EMSY: variants seen among roughly 807,000 people sequenced by gnomAD.
EMSY encodes the protein EMSY transcriptional repressor, BRCA2 interacting.
In EMSY, 26 loss-of-function variants were observed where a neutral mutation model predicts 134.6. The observed-to-expected ratio is 0.19, with a 90% CI of 0.14 to 0.27. The LOEUF (loss-of-function observed/expected upper bound fraction) is 0.27, where lower values mean the gene tolerates loss of function less well. EMSY is among the 10% of genes least tolerant of loss of function. EMSY has a pLI of 1.00. For synonymous variants in EMSY, 579 were observed against 577.8 expected (o/e 1.00, Z -0.03); for missense variants, 1,305 against 1,611.4 (o/e 0.81, Z 3.26).
chr11:76,459,775 A>T, intron 5 of EMSY, 158 bp from the exon 7 acceptor site: 2 of 654,652 alleles, frequency 3.1e-6, no homozygotes, highest in Middle Eastern at 3.3e-4. Flanking sequence ...AGGAAAGGTT[A>T]TTAATGCCTT....
Position 76,528,478 on chromosome 11 carries a change from T to C in EMSY, c.2194+12T>C. On this transcript the variant is annotated intron_variant, in intron 14 of 20. Transcript: ENST00000334736. Reference sequence around the variant, plus strand: ...CCAGAGTTCCCAAGGTAAGATCTATTTTACTTCTGATTTATATAAGTACTA... The same window carrying C: ...CCAGAGTTCCCAAGGTAAGATCTATCTTACTTCTGATTTATATAAGTACTA... The C allele has an allele frequency of 6.3e-7, 1 of 1,579,322 alleles. No homozygotes were observed. The highest frequency in any genetic ancestry group is 8.7e-7 in the Non-Finnish European group (1 of 1,150,794).
intron 10 of EMSY, among the ~76,000 whole-genome samples, chr11:76,513,950 T>A (rs1001409990): frequency 6.6e-6 from 1 of 152,150 alleles, no homozygotes; most frequent in South Asian, 2.1e-4. Flanking sequence ...TTCACTCTGA[T>A]GAAGTTGAGA....
At chr11:76,483,847 G>A (rs1287853393) in intron 8 of EMSY, among the ~76,000 whole-genome samples, 1 of 152,164 alleles carries the variant, frequency 6.6e-6, no homozygotes, top group East Asian at 1.9e-4. Flanking sequence ...CAACGAGACA[G>A]AAAATTAACA....
chr11:76,465,120 A>T (rs1023363950), intron 7 of EMSY, among the ~76,000 whole-genome samples: 1 of 152,166 alleles, frequency 6.6e-6, no homozygotes. Flanking sequence ...ATGTCCTTCA[A>T]TTCTGATACA....
intron 9 of EMSY, among the ~76,000 whole-genome samples, chr11:76,510,821 C>T (rs553010307): frequency 4.6e-5 from 7 of 152,262 alleles, no homozygotes; most frequent in South Asian, 2.1e-4. Flanking sequence ...GAAGGAATCC[C>T]GAGTTCTTCT....
chr11:76,522,070 A>C (rs1020771730), intron 11 of EMSY, among the ~76,000 whole-genome samples: 2 of 152,150 alleles, frequency 1.3e-5, no homozygotes, highest in Non-Finnish European at 2.9e-5. Flanking sequence ...AAAGAGAAGA[A>C]GACAAGGAAC....
At chr11:76,512,722 TA>T (rs1320238838) in intron 9 of EMSY, among the ~76,000 whole-genome samples, 161 of 136,910 alleles carry the variant, frequency 1.2e-3, no homozygotes, top group Non-Finnish European at 1.4e-3. Context: ...TTAGAAAATG[TA>T]AAAAAAAAAA....
At chr11:76,448,641 G>A (rs17134897) in intron 2 of EMSY, among the ~76,000 whole-genome samples, 12,481 of 151,746 alleles carry the variant, frequency 0.082, 1,118 homozygotes, top group African/African-American at 0.22. Flanking sequence ...CAGTCATCTC[G>A]TATGGTAATA....
In EMSY at chr11:76,521,635, A is replaced by G. The variant is rs564850728; in HGVS notation, c.1685-1520A>G. Among the ~76,000 whole-genome samples, 8 of 152,122 alleles carry G rather than the reference A, an allele frequency of 5.3e-5. No individual in the cohort carries two copies. The East Asian group carries it at 1.5e-3, about 29-fold the overall frequency. On this transcript the variant is annotated intron_variant, in intron 11 of 20. Coordinates refer to ENST00000334736, the Ensembl canonical transcript of EMSY. ...AGAAATTAGCCAGGCATGGTGGCAC[A>G]TACCTGTAGTCCTAGGTACCTAAGA...
At chr11:76,510,164 G>T (rs1253663619) in intron 9 of EMSY, among the ~76,000 whole-genome samples, 1 of 152,154 alleles carries the variant, frequency 6.6e-6, no homozygotes, top group East Asian at 1.9e-4. Flanking sequence ...GATCACCCTG[G>T]ACTATAAAGC....
At chr11:76,539,383 A>G (rs1409259694) in intron 16 of EMSY, among the ~76,000 whole-genome samples, 1 of 152,214 alleles carries the variant, frequency 6.6e-6, no homozygotes, top group East Asian at 1.9e-4. Flanking sequence ...AGGAGATAAT[A>G]TTATTAAGAC....
intron 8 of EMSY, among the ~76,000 whole-genome samples, chr11:76,477,769 T>G (rs535564374): frequency 6.6e-6 from 1 of 152,216 alleles, no homozygotes; most frequent in African/African-American, 2.4e-5. Context: ...GTAATTAGCT[T>G]TTATTGTTAT....
At chr11:76,532,527 T>G (rs1488431496) in intron 14 of EMSY, among the ~76,000 whole-genome samples, 1 of 152,120 alleles carries the variant, frequency 6.6e-6, no homozygotes, top group Non-Finnish European at 1.5e-5. Flanking sequence ...GTTCCTGTGC[T>G]TTTCTTCCTA....
chr11:76,498,445 G>A (rs1044252266), intron 9 of EMSY, among the ~76,000 whole-genome samples: 9 of 152,046 alleles, frequency 5.9e-5, no homozygotes. Flanking sequence ...ACTAATTGTT[G>A]GATTCTAGTA....
intron 6 of EMSY, 111 bp downstream of exon 7, chr11:76,460,196 G>A (rs1948052101): frequency 8.5e-6 from 11 of 1,289,544 alleles, no homozygotes; most frequent in Non-Finnish European, 1.1e-5. Flanking sequence ...GCTGTTAGTA[G>A]GTTAGTTTTT....
intron 14 of EMSY, among the ~76,000 whole-genome samples, chr11:76,535,233 C>A (rs974504201): frequency 1.3e-5 from 2 of 151,944 alleles, no homozygotes; most frequent in Non-Finnish European, 2.9e-5. Flanking sequence ...AAACTAAGAC[C>A]CAAAGAATCA....
At chr11:76,521,978 T>G (rs1219533804) in intron 11 of EMSY, among the ~76,000 whole-genome samples, 4 of 151,960 alleles carry the variant, frequency 2.6e-5, no homozygotes, top group Non-Finnish European at 5.9e-5. Context: ...GAGCTGTGGT[T>G]GCTCCACTCC....
At chr11:76,546,491 A>C (rs3753052) in intron 20 of EMSY, among the ~76,000 whole-genome samples, 194 bp downstream of exon 21, 2,565 of 152,328 alleles carry the variant, frequency 0.017, 49 homozygotes, top group East Asian at 0.094. Context: ...TTTCTGGAAG[A>C]GGATCAGAAA....
chr11:76,445,456 G>A (rs1379531017), intron 1 of EMSY, among the ~76,000 whole-genome samples: 2 of 152,178 alleles, frequency 1.3e-5, no homozygotes, highest in Admixed American at 1.3e-4. Context: ...ACAGCTACTG[G>A]CCCAGAGGGG....
Sources: gnomAD v4.1 joint callset for allele counts (sites outside exome capture counted in the v4.1 genomes callset) on GRCh38, gnomAD v4.1.1 for gene constraint, MANE v1.5 for transcripts, NCBI Gene and HGNC (gene_info 2026-07-23, HGNC 2026-07-21) for gene names.